Variants in VPS54 observed in about 807,000 individuals in gnomAD.
The protein encoded by VPS54 is vacuolar protein sorting-associated protein 54.
VPS54 carries 45 observed loss-of-function variants against 121.5 expected under a neutral mutation model. The ratio of observed to expected loss-of-function variants is 0.37; its 90% CI spans 0.29 to 0.47. The LOEUF (loss-of-function observed/expected upper bound fraction) is 0.47, where lower values mean the gene tolerates loss of function less well. Among genes scored for constraint, VPS54 ranks in the 20% least tolerant of loss-of-function variants. VPS54 has a pLI of 0.99. For synonymous variants in VPS54, 371 were observed against 385.8 expected (o/e 0.96, Z 0.45); for missense variants, 1,090 against 1,131.4 (o/e 0.96, Z 0.52).
chr2:63,920,636 T>C lies in VPS54; in HGVS notation c.1870-9A>G. ...TTCTCAAGAAAACCATCCTAAATTT[T>C]AATACAAAAATCATGAGAGTTAGTG... On this transcript the variant is annotated splice_polypyrimidine_tract_variant and intron_variant, in intron 13 of 22. Transcript: ENST00000272322. 1 of 1,462,766 alleles carries C rather than the reference T, an allele frequency of 6.8e-7. No individual in the cohort carries two copies. The highest frequency in any genetic ancestry group is 1.5e-5 in the South Asian group (1 of 64,854). The allele number at this position is 1,462,766 out of a possible 1,614,324, so 90.6% of individuals were successfully genotyped here. A position where few individuals can be genotyped will look rare whatever the true frequency, so the allele number is the denominator to read the frequency against.
chr2:63,976,483 C>A (rs1676537549), intron 3 of VPS54, among the ~76,000 whole-genome samples: 1 of 152,032 alleles, frequency 6.6e-6, no homozygotes. Context: ...ATGTCCTTAG[C>A]TTCTATTTCC....
chr2:63,971,503 T>A (rs1676283574), intron 4 of VPS54, among the ~76,000 whole-genome samples: 1 of 152,218 alleles, frequency 6.6e-6, no homozygotes, highest in Admixed American at 6.5e-5. Context: ...ACTCTTACAG[T>A]TCCTTGAATA....
intron 11 of VPS54, among the ~76,000 whole-genome samples, chr2:63,935,672 A>G (rs1282786429): frequency 6.6e-6 from 1 of 152,106 alleles, no homozygotes; most frequent in Non-Finnish European, 1.5e-5. Flanking sequence ...TAAATAGCCC[A>G]CTCAGTGTAC....
At chr2:63,984,090 T>C in intron 1 of VPS54, 71 bp from the exon 2 acceptor site, 1 of 1,337,086 alleles carries the variant, frequency 7.5e-7, no homozygotes, top group Non-Finnish European at 9.7e-7. Flanking sequence ...TGTCACAAAT[T>C]TTCTTTCAAA....
chr2:63,959,533 AT>A (rs1468104283), intron 7 of VPS54, among the ~76,000 whole-genome samples: 7 of 152,226 alleles, frequency 4.6e-5, no homozygotes, highest in African/African-American at 1.7e-4. Flanking sequence ...CTAAAAAAAA[AT>A]AGAAAGATAT....
chr2:63,983,000 T>C (rs1676867648), intron 2 of VPS54, among the ~76,000 whole-genome samples: 1 of 152,088 alleles, frequency 6.6e-6, no homozygotes, highest in Admixed American at 6.5e-5. Context: ...AATTTGCAAA[T>C]ACACAATATG....
intron 9 of VPS54, among the ~76,000 whole-genome samples, chr2:63,946,906 C>A (rs1227935418): frequency 6.6e-6 from 1 of 151,964 alleles, no homozygotes; most frequent in African/African-American, 2.4e-5. Context: ...AGGAATCAGT[C>A]TAAGAACAAA....
chr2:64,017,019 A>AT (rs151035341), intron 1 of VPS54, among the ~76,000 whole-genome samples: 15 of 131,230 alleles, frequency 1.1e-4, no homozygotes, highest in East Asian at 4.3e-4. Flanking sequence ...ACTTTTGTTG[A>AT]TTAAAAAAAA....
intron 1 of VPS54, among the ~76,000 whole-genome samples, chr2:63,997,264 TGAGTA>T (rs1677641363): frequency 6.6e-6 from 1 of 152,150 alleles, no homozygotes; most frequent in Admixed American, 6.5e-5. Context: ...CAGACTAGTT[TGAGTA>T]GGATTGGTAC....
chr2:64,004,973 T>C (rs1413122802), intron 1 of VPS54, among the ~76,000 whole-genome samples: 1 of 151,550 alleles, frequency 6.6e-6, no homozygotes, highest in African/African-American at 2.4e-5. Flanking sequence ...AGACGAGGTC[T>C]CACTATGTTG....
At chr2:63,994,320 C>T (rs1376540852) in intron 1 of VPS54, among the ~76,000 whole-genome samples, 2 of 152,164 alleles carry the variant, frequency 1.3e-5, no homozygotes, top group Non-Finnish European at 2.9e-5. Context: ...GATTCCCCTC[C>T]TTATACTTTC....
intron 1 of VPS54, among the ~76,000 whole-genome samples, chr2:63,986,961 T>C (rs1300794695): frequency 6.6e-6 from 1 of 152,238 alleles, no homozygotes; most frequent in East Asian, 1.9e-4. Context: ...CTATATATTC[T>C]TGTTATTAAT....
chr2:63,927,743 G>C (rs553384084), intron 12 of VPS54, among the ~76,000 whole-genome samples: 3 of 152,138 alleles, frequency 2.0e-5, no homozygotes, highest in Non-Finnish European at 4.4e-5. Context: ...CTAGCCCATT[G>C]CAAGGGAGCT....
At chr2:63,986,655 T>C (rs1418412727) in intron 1 of VPS54, among the ~76,000 whole-genome samples, 1 of 152,198 alleles carries the variant, frequency 6.6e-6, no homozygotes, top group African/African-American at 2.4e-5. Context: ...TTTCAGTTTT[T>C]CGAGGGACCT....
intron 20 of VPS54, among the ~76,000 whole-genome samples, chr2:63,904,271 T>C (rs1243229090): frequency 1.3e-5 from 2 of 151,264 alleles, no homozygotes; most frequent in East Asian, 3.9e-4. Flanking sequence ...AAACCGCACA[T>C]CTACTAAAAA....
intron 7 of VPS54, among the ~76,000 whole-genome samples, chr2:63,961,662 T>G (rs1040568169): frequency 6.6e-6 from 1 of 152,238 alleles, no homozygotes; most frequent in Non-Finnish European, 1.5e-5. Flanking sequence ...CAGAAATGAA[T>G]TTTAATAATT....
At chr2:63,942,741 T>C (rs1674799221) in intron 10 of VPS54, among the ~76,000 whole-genome samples, 180 bp from the exon 11 acceptor site, 1 of 152,198 alleles carries the variant, frequency 6.6e-6, no homozygotes, top group Non-Finnish European at 1.5e-5. Flanking sequence ...TTTAAATATT[T>C]TTAAGACTGG....
chr2:63,941,877 T>C (rs1302634541), intron 11 of VPS54, among the ~76,000 whole-genome samples: 1 of 151,710 alleles, frequency 6.6e-6, no homozygotes, highest in Non-Finnish European at 1.5e-5. Context: ...CTACTAAACA[T>C]GCAAAAATTA....
chr2:63,912,826 T>C (rs1447107144), intron 18 of VPS54, among the ~76,000 whole-genome samples, 165 bp from the exon 19 acceptor site: 1 of 152,214 alleles, frequency 6.6e-6, no homozygotes, highest in African/African-American at 2.4e-5. Flanking sequence ...TCATTTTGTC[T>C]AATAATTTGA....
Sources: gnomAD v4.1 joint callset for allele counts (sites outside exome capture counted in the v4.1 genomes callset) on GRCh38, gnomAD v4.1.1 for gene constraint, MANE v1.5 for transcripts, NCBI Gene and HGNC (gene_info 2026-07-23, HGNC 2026-07-21) for gene names.